ECE1: variants seen among roughly 807,000 people sequenced by gnomAD.
The protein encoded by ECE1 is endothelin converting enzyme 1.
A neutral mutation model predicts 98.6 loss-of-function variants in ECE1; 35 were observed. The ratio of observed to expected loss-of-function variants is 0.35; its 90% CI spans 0.27 to 0.47. ECE1 has a LOEUF of 0.47. ECE1 is among the 20% of genes least tolerant of loss of function. The probability of loss-of-function intolerance (pLI) is 1.00; values close to 1 mark genes in which losing one functional copy is unlikely to be tolerated. For missense variants in ECE1, 814 were observed against 1,025.3 expected (o/e 0.79, Z 2.81); for synonymous variants, 394 against 407.1 (o/e 0.97, Z 0.39).
intron 8 of ECE1, among the ~76,000 whole-genome samples, chr1:21,253,558 C>T (rs372479590): frequency 2.0e-5 from 3 of 149,098 alleles, no homozygotes; most frequent in Non-Finnish European, 3.0e-5. Context: ...GACAGGAGAT[C>T]GAGACCATCC....
intron 1 of ECE1, among the ~76,000 whole-genome samples, chr1:21,309,578 C>T (rs1186590443): frequency 1.3e-5 from 2 of 152,184 alleles, no homozygotes; most frequent in African/African-American, 4.8e-5. Context: ...ACATCAGCAC[C>T]TGCCATTGTC....
At chr1:21,283,148 A>G (rs927155270) in intron 2 of ECE1, among the ~76,000 whole-genome samples, 2 of 151,726 alleles carry the variant, frequency 1.3e-5, no homozygotes, top group African/African-American at 4.8e-5. Flanking sequence ...TCACCGTGTT[A>G]GCCAGGATGG....
chr1:21,325,848 G>A (rs1372177809), intron 1 of ECE1, among the ~76,000 whole-genome samples: 2 of 152,218 alleles, frequency 1.3e-5, no homozygotes, highest in African/African-American at 2.4e-5. Context: ...TCAACACACA[G>A]GGAGTCCTGC....
chr1:21,296,320 G>A lies in ECE1; in HGVS notation c.4-6164C>T, dbSNP rs1205107059. ...GCCCAGCAGTTTGCGACCAACCTGGGTAACACAGTGAGACTTTGTCTCTAC... is the reference window on the plus strand; with the variant it reads ...GCCCAGCAGTTTGCGACCAACCTGGATAACACAGTGAGACTTTGTCTCTAC... On this transcript the variant is annotated intron_variant, in intron 1 of 18. Transcript: ENST00000415912. Among the ~76,000 whole-genome samples the A allele has an allele frequency of 3.9e-5, 6 of 152,070 alleles. No individual in the cohort carries two copies. In the East Asian group the frequency reaches 1.2e-3, roughly 29 times the overall value.
chr1:21,233,955 G>A lies in ECE1; in HGVS notation c.1567-294C>T, dbSNP rs1032508944. Among the ~76,000 whole-genome samples, 6 of 152,076 alleles carry A rather than the reference G, an allele frequency of 3.9e-5. No individual in the cohort carries two copies. The highest frequency in any genetic ancestry group is 4.2e-4 in the South Asian group (2 of 4,812). ...TGGATGTTCTGTGCTCTATGCCTGC[G>A]CTGTCCAGTATGGCAGACTACTAAG... On this transcript the variant is annotated intron_variant, in intron 13 of 18. Coordinates refer to ENST00000374893, the MANE Select transcript of ECE1 (RefSeq NM_001397.3). This position sits in a 1 kb window ranked among gnomAD's most constrained non-coding sequence, Gnocchi z 4.0.
At chr1:21,343,856 T>G (rs912729306) in intron 1 of ECE1, among the ~76,000 whole-genome samples, 1 of 152,146 alleles carries the variant, frequency 6.6e-6, no homozygotes. Flanking sequence ...TCTTTATGAG[T>G]AACTCAGGGT....
rs543570033 is a variant in ECE1 at position 21,220,790 on chromosome 1, C to G, written c.2137-659G>C. 6.6e-6 allele frequency among the ~76,000 whole-genome samples: 1 copy of G among 151,896 alleles called. No homozygotes were observed. The highest frequency in any genetic ancestry group is 1.5e-5 in the Non-Finnish European group (1 of 67,940). On this transcript the variant is annotated intron_variant, in intron 18 of 18. Transcript: ENST00000374893. The surrounding 1 kb of genome is among the most constrained non-coding windows in gnomAD (Gnocchi z 5.0). ...CAGGCCGGGTGACTGAGGGAGACTC[C>G]GGCTCCAAAAAAACAAAACCCAGAA...
At chr1:21,329,805 C>T (rs1030387004) in intron 1 of ECE1, among the ~76,000 whole-genome samples, 2 of 152,164 alleles carry the variant, frequency 1.3e-5, no homozygotes, top group Admixed American at 1.3e-4. Context: ...TCCCAACCAC[C>T]TTTGCAGAAG....
intron 1 of ECE1, among the ~76,000 whole-genome samples, chr1:21,296,878 A>G (rs1638367598): frequency 6.6e-6 from 1 of 152,114 alleles, no homozygotes; most frequent in African/African-American, 2.4e-5. Flanking sequence ...CTGGAGAGGG[A>G]GACTCCCCTT....
Position 21,290,034 on chromosome 1 carries a change from G to A in ECE1, c.138+36C>T, listed in dbSNP as rs1264664273. On this transcript the variant is annotated intron_variant, in intron 2 of 18. Coordinates refer to ENST00000374893, the MANE Select transcript of ECE1 (RefSeq NM_001397.3). This position sits in a 1 kb window ranked among gnomAD's most constrained non-coding sequence, Gnocchi z 7.3. ...GGCAGCGCGCATGCCCGGGCCCGGG[G>A]CGCCTGGACCTCGGGAGGGAGCGGA... The A allele has an allele frequency of 3.7e-6, 5 of 1,351,114 alleles. No individual in the cohort carries two copies. The highest frequency in any genetic ancestry group is 4.8e-6 in the Non-Finnish European group (5 of 1,040,202). The allele number at this position is 1,351,114 out of a possible 1,614,324, so 83.7% of individuals were successfully genotyped here.
At position 21,256,014 on chromosome 1, in the gene ECE1, G is replaced by C; in HGVS notation, c.953C>G (p.Thr318Ser). 6.2e-7 allele frequency: 1 copy of C among 1,614,038 alleles called. No individual in the cohort carries two copies. Reference protein sequence around the residue: ...LDFETALANITIPQEKRRDEE... With the variant: ...LDFETALANISIPQEKRRDEE... ...ATCACGGCGCTTCTCCTGTGGGATG[G>C]TGATGTTGGCCAGTGCCGTCTCAAA... Residue 318 changes from threonine to serine, a missense_variant, in exon 8 of 19, where the codon ACC (threonine) becomes AGC (serine). Thr to Ser is a moderately conservative substitution (Grantham distance 58, BLOSUM62 1). This residue lies in a region of ECE1 where 105 missense variants were observed against 179.1 expected (regional missense o/e 0.59). Transcript: ENST00000374893.
At chr1:21,246,135 G>C (rs2098203176) in intron 9 of ECE1, among the ~76,000 whole-genome samples, 1 of 152,034 alleles carries the variant, frequency 6.6e-6, no homozygotes, top group African/African-American at 2.4e-5. Flanking sequence ...TGGGGAGTTA[G>C]GAAAAAAATA....
intron 1 of ECE1, among the ~76,000 whole-genome samples, chr1:21,318,137 G>T (rs1015538959): frequency 2.0e-5 from 3 of 152,226 alleles, no homozygotes; most frequent in Admixed American, 6.5e-5. Flanking sequence ...ACTCGGAGAT[G>T]AACAAGAGTG....
At position 21,260,153 on chromosome 1, in the gene ECE1, G is replaced by T; in HGVS notation, c.615+118C>A. 2 of 1,438,160 alleles carry T rather than the reference G, an allele frequency of 1.4e-6. No homozygotes were observed. The highest frequency in any genetic ancestry group is 2.0e-6 in the Non-Finnish European group (2 of 1,024,246). 89.1% of individuals were successfully genotyped at this position (1,438,160 alleles called of 1,614,324 possible). On this transcript the variant is annotated intron_variant, in intron 5 of 18. Coordinates refer to ENST00000374893, the MANE Select transcript of ECE1 (RefSeq NM_001397.3). The surrounding 1 kb of genome is among the most constrained non-coding windows in gnomAD (Gnocchi z 4.3). ...CTCTCTCTCTTTCTGTCTTTCTCTT[G>T]GTGCTACCGGCTGGACGTATGAGGT...
At chr1:21,238,483 G>A (rs751667677) in intron 10 of ECE1, 48 of 579,680 alleles carry the variant, frequency 8.3e-5, no homozygotes, top group Non-Finnish European at 1.3e-4. Context: ...ATAGTGTCCC[G>A]TTGAGCCATT....
intron 1 of ECE1, among the ~76,000 whole-genome samples, chr1:21,309,774 TTTTC>T (rs768697045): frequency 3.6e-4 from 54 of 148,350 alleles, no homozygotes; most frequent in Non-Finnish European, 6.5e-4. Flanking sequence ...TTTTCTTTTT[TTTTC>T]TTTCTTTTTT....
chr1:21,286,321 T>C (rs1368692157), intron 2 of ECE1, among the ~76,000 whole-genome samples: 2 of 152,230 alleles, frequency 1.3e-5, no homozygotes, highest in Non-Finnish European at 2.9e-5. Context: ...TATTATTATA[T>C]CATGTCACTC....
rs867549657 is a variant in ECE1, at chr1:21,345,429, G to A, written c.-51C>T. 9 of 1,307,416 alleles carry A rather than the reference G, an allele frequency of 6.9e-6. No homozygotes were observed. In the Admixed American group the frequency reaches 8.2e-5, roughly 12 times the overall value. The allele number at this position is 1,307,416 out of a possible 1,614,324, so 81.0% of individuals were successfully genotyped here. A position where few individuals can be genotyped will look rare whatever the true frequency, so the allele number is the denominator to read the frequency against. On this transcript the variant is annotated 5_prime_UTR_variant, in exon 1 of 19. Transcript: ENST00000415912. This position sits in a 1 kb window ranked among gnomAD's most constrained non-coding sequence, Gnocchi z 5.1. The stretch of plus-strand genomic sequence containing the variant: ...GCGCAGCTCCCCGCGCCCGGCTCCC[G>A]ATTCCCAGCTCCGGGTTCCCTGCTC...
intron 1 of ECE1, among the ~76,000 whole-genome samples, chr1:21,320,493 C>A (rs542262182): frequency 4.6e-5 from 7 of 152,280 alleles, no homozygotes; most frequent in Non-Finnish European, 1.0e-4. Context: ...GAGAATACAA[C>A]CTAAAAATAA....
Sources: gnomAD v4.1 joint callset for allele counts (sites outside exome capture counted in the v4.1 genomes callset) on GRCh38, gnomAD v4.1.1 for gene constraint, gnomAD v4.1.1 regional missense constraint, Gnocchi (gnomAD v3.1) non-coding constraint, MANE v1.5 for transcripts, NCBI Gene and HGNC (gene_info 2026-07-23, HGNC 2026-07-21) for gene names.